LRGUK: variants seen among roughly 807,000 people sequenced by gnomAD.
LRGUK encodes leucine rich repeats and guanylate kinase domain containing, also known as leucine-rich repeat and guanylate kinase domain-containing protein.
Under a neutral mutation model 76.0 loss-of-function variants are expected in LRGUK, and 65 were observed. The ratio of observed to expected loss-of-function variants is 0.85; its 90% CI spans 0.70 to 1.05. The LOEUF (loss-of-function observed/expected upper bound fraction) is 1.05. Among genes scored for constraint, LRGUK ranks in the 50% least tolerant of loss-of-function variants. The pLI is 0.00. For synonymous variants in LRGUK, 268 were observed against 265.6 expected (o/e 1.01, Z -0.09); for missense variants, 758 against 732.8 (o/e 1.03, Z -0.40).
At chr7:134,198,596 A>T (rs1486145059) in intron 13 of LRGUK, among the ~76,000 whole-genome samples, 1 of 152,232 alleles carries the variant, frequency 6.6e-6, no homozygotes, top group Non-Finnish European at 1.5e-5. Context: ...GAGGAAACTG[A>T]TAGCCAGAGA....
rs777270521 is a variant in LRGUK at position 134,221,740 on chromosome 7, A to C, written c.1844-39A>C. On this transcript the variant is annotated intron_variant, in intron 15 of 19. Transcript: ENST00000285928. The stretch of plus-strand genomic sequence containing the variant: ...TTCTATCACTTCAGAAATTTCCTTT[A>C]TGACTTTTATTTTAAACTTTATTTT... 42 of 1,421,592 alleles carry C rather than the reference A, an allele frequency of 3.0e-5. No individual in the cohort carries two copies. The East Asian group carries it at 1.1e-3, about 36-fold the overall frequency. 88.1% of individuals were successfully genotyped at this position (1,421,592 alleles called of 1,614,324 possible).
rs376627790 is a variant in LRGUK, at chr7:134,198,060, C to T, written c.1545+955C>T. Among the ~76,000 whole-genome samples, 18 of 141,618 alleles carry T rather than the reference C, an allele frequency of 1.3e-4. No homozygotes were observed. The East Asian group carries it at 3.4e-3, about 27-fold the overall frequency. 92.9% of individuals were successfully genotyped at this position (141,618 alleles called of 152,430 possible). A position where few individuals can be genotyped will look rare whatever the true frequency, so the allele number is the denominator to read the frequency against. The stretch of plus-strand genomic sequence containing the variant: ...TTCACACAGTAGGAGACTGCAATTC[C>T]CTTTTGGCTCTTTGTGTTGGTATAA... On this transcript the variant is annotated intron_variant, in intron 13 of 15. Coordinates refer to ENST00000645682, the Ensembl canonical transcript of LRGUK.
At chr7:134,152,593 T>C (rs1798268482) in intron 5 of LRGUK, among the ~76,000 whole-genome samples, 1 of 152,106 alleles carries the variant, frequency 6.6e-6, no homozygotes, top group Non-Finnish European at 1.5e-5. Flanking sequence ...ATACCAAGTG[T>C]TGGAGAACTT....
intron 15 of LRGUK, among the ~76,000 whole-genome samples, chr7:134,217,171 G>A (rs1332568621): frequency 4.8e-5 from 5 of 104,048 alleles, no homozygotes; most frequent in African/African-American, 1.6e-4. Flanking sequence ...TTTTTTTTTC[G>A]GAATTCTGGG....
intron 7 of LRGUK, among the ~76,000 whole-genome samples, chr7:134,164,108 C>G (rs544588681): frequency 8.1e-4 from 123 of 152,010 alleles, no homozygotes; most frequent in Non-Finnish European, 1.2e-3. Flanking sequence ...ACATTTTTAC[C>G]GCAAAAATGA....
chr7:134,199,916 A>T (rs772554760), intron 14 of LRGUK, among the ~76,000 whole-genome samples: 79 of 144,956 alleles, frequency 5.4e-4, no homozygotes, highest in Non-Finnish European at 9.2e-4. Context: ...AAATATGAAA[A>T]TTTCTATATA....
chr7:134,180,368 A>G (rs999190489), intron 10 of LRGUK, among the ~76,000 whole-genome samples: 45 of 151,944 alleles, frequency 3.0e-4, no homozygotes, highest in African/African-American at 9.7e-5. Flanking sequence ...TATCTGTTCT[A>G]TCTATATCTA....
intron 14 of LRGUK, among the ~76,000 whole-genome samples, chr7:134,200,009 TA>T (rs1214290961): frequency 2.3e-5 from 3 of 130,034 alleles, no homozygotes; most frequent in Non-Finnish European, 5.0e-5. Flanking sequence ...TATATATATA[TA>T]TATATATATA....
intron 13 of LRGUK, 50 bp downstream of exon 13, chr7:134,197,155 T>A (rs1227835416): frequency 9.1e-7 from 1 of 1,093,426 alleles, no homozygotes; most frequent in Non-Finnish European, 1.4e-6. Flanking sequence ...TGTGTGAGTG[T>A]GGTGTGTGTG....
At chr7:134,208,834 C>A (rs1351615599) in exon 16 of LRGUK, 1 of 398,850 alleles carries the variant, frequency 2.5e-6, no homozygotes, top group Admixed American at 4.4e-5. Context: ...AAATTCATGC[C>A]AAGGACCTAG....
At chr7:134,142,921 C>T in intron 3 of LRGUK, 141 bp from the exon 4 acceptor site, 36 of 528,090 alleles carry the variant, frequency 6.8e-5, no homozygotes, top group South Asian at 2.0e-4. Context: ...GATTTTATTC[C>T]TTTCACTCAT....
chr7:134,249,762 T>C (rs1247111149), intron 18 of LRGUK, among the ~76,000 whole-genome samples: 5 of 152,206 alleles, frequency 3.3e-5, no homozygotes, highest in African/African-American at 4.8e-5. Flanking sequence ...AGAGCCTCCA[T>C]TGCTGATTGT....
intron 16 of LRGUK, among the ~76,000 whole-genome samples, chr7:134,239,455 G>C (rs182544875): frequency 6.6e-6 from 1 of 152,228 alleles, no homozygotes; most frequent in African/African-American, 2.4e-5. Context: ...CTGACTGCTA[G>C]CACAGCAGTC....
At chr7:134,219,708 C>G (rs1563189099) in intron 15 of LRGUK, among the ~76,000 whole-genome samples, 1 of 151,938 alleles carries the variant, frequency 6.6e-6, no homozygotes, top group Non-Finnish European at 1.5e-5. Flanking sequence ...CTCTCTCTCT[C>G]TGTCTCTCTC....
At chr7:134,199,679 G>T (rs1800667993) in intron 14 of LRGUK, among the ~76,000 whole-genome samples, 1 of 151,674 alleles carries the variant, frequency 6.6e-6, no homozygotes, top group African/African-American at 2.4e-5. Context: ...TTTTTTAGGG[G>T]ACATTGTGAG....
intron 4 of LRGUK, among the ~76,000 whole-genome samples, chr7:134,147,374 G>T (rs773917782): frequency 4.6e-5 from 7 of 151,336 alleles, no homozygotes; most frequent in Non-Finnish European, 1.0e-4. Flanking sequence ...GGCAGAGGTT[G>T]CAGTGAGCTG....
exon 7 of LRGUK, chr7:134,163,507 C>T (rs778298491): frequency 7.4e-6 from 12 of 1,613,744 alleles, no homozygotes; most frequent in Non-Finnish European, 1.0e-5. Context: ...AGAATCATGA[C>T]CTCCTGGAAG....
At chr7:134,223,250 TCTTCCCGGCAACTTC>T (rs1243086666) in intron 16 of LRGUK, among the ~76,000 whole-genome samples, 1 of 152,172 alleles carries the variant, frequency 6.6e-6, no homozygotes, top group Non-Finnish European at 1.5e-5. Flanking sequence ...CTGTGCTCAT[TCTTCCCGGCAACTTC>T]CTTCCATCTC....
chr7:134,184,943 G>A (rs1190310486), intron 11 of LRGUK, among the ~76,000 whole-genome samples: 1 of 152,210 alleles, frequency 6.6e-6, no homozygotes, highest in Non-Finnish European at 1.5e-5. Context: ...GGGCATATCT[G>A]TGCTCAGGGA....
Sources: allele counts gnomAD v4.1 joint callset (sites outside exome capture counted in the v4.1 genomes callset), GRCh38; gene constraint gnomAD v4.1.1; transcripts MANE v1.5; gene names NCBI Gene and HGNC (gene_info 2026-07-23, HGNC 2026-07-21).